The following RPS27L variants were observed in gnomAD, a reference collection of about 807,000 sequenced individuals.
The protein encoded by RPS27L is ribosomal protein S27 like, also known as ribosomal protein eS27-like.
In RPS27L, 10 loss-of-function variants were observed where a neutral mutation model predicts 12.8. The ratio of observed to expected loss-of-function variants is 0.78; its 90% CI spans 0.48 to 1.33. The LOEUF (loss-of-function observed/expected upper bound fraction) is 1.33. Ranked by LOEUF, RPS27L falls within the 40% of genes most tolerant of loss-of-function variation. The pLI, the probability that RPS27L is intolerant of heterozygous loss-of-function variation, is 0.00. For missense variants in RPS27L, 81 were observed against 97.4 expected, an observed-to-expected ratio of 0.83 and a Z score of 0.71; for synonymous variants, 26 against 32.3, an observed-to-expected ratio of 0.81 and a Z score of 0.66.
rs2037278090 is a variant in RPS27L at position 63,148,380 on chromosome 15, A to AT, written c.*5651dup. Reference sequence around the variant, plus strand: ...AAATAAAGAAAAAACACAACTTCAAATTAATACAAAGACAAGATAAAGAAC... The same window carrying AT: ...AAATAAAGAAAAAACACAACTTCAAATTTAATACAAAGACAAGATAAAGAAC... On this transcript the variant is annotated 3_prime_UTR_variant, in exon 4 of 4. Coordinates refer to ENST00000330964, the MANE Select transcript of RPS27L (RefSeq NM_015920.4). 6.7e-6 allele frequency: 1 copy of AT among 150,058 alleles called. No homozygotes were observed. The highest frequency in any genetic ancestry group is 1.5e-5 in the Non-Finnish European group (1 of 67,894). The allele number at this position is 150,058 out of a possible 1,614,324, so 9.3% of individuals were successfully genotyped here.
At chr15:63,155,813 A>G in intron 2 of RPS27L, 82 bp from the exon 3 acceptor site, 2 of 797,010 alleles carry the variant, frequency 2.5e-6, no homozygotes, top group South Asian at 3.3e-5. Context: ...ATATGTAAAA[A>G]AATCAGTAAC....
At chr15:63,154,984 T>C (rs1480079070) in intron 3 of RPS27L, 1 of 152,074 alleles carries the variant, frequency 6.6e-6, no homozygotes, top group Non-Finnish European at 1.5e-5. Flanking sequence ...AAATTCTATA[T>C]GGTTTTAAAA....
chr15:63,149,268 A>C lies in RPS27L; in HGVS notation c.*4764T>G, dbSNP rs997822330. ...TTTTCTTTGTAAAATGCAATAATGT[A>C]CTCTATTCCTTCCAAAGATTTAAGT... On this transcript the variant is annotated 3_prime_UTR_variant, in exon 4 of 4. Coordinates refer to ENST00000330964, the MANE Select transcript of RPS27L (RefSeq NM_015920.4). 1 of 152,034 alleles carries C rather than the reference A, an allele frequency of 6.6e-6. No homozygotes were observed. The highest frequency in any genetic ancestry group is 2.4e-5 in the African/African-American group (1 of 41,388). 9.4% of individuals were successfully genotyped at this position (152,034 alleles called of 1,614,324 possible).
At position 63,156,459 on chromosome 15, in the gene RPS27L, G is replaced by T. The variant is rs1359809011; in HGVS notation, c.69C>A (p.Arg23=). ...AGTAAGAATTTGGACTTTGTACTAG[G>T]CGTTTCTTTTTATGTTTTTTCTTTT... ...EEEKKKHKKK[R]LVQSPNSYFM... The change falls in exon 2 of 4, where the codon CGC becomes CGA. Residue 23 remains arginine (R), a synonymous_variant. Coordinates refer to ENST00000330964, the MANE Select transcript of RPS27L (RefSeq NM_015920.4). 1.2e-6 allele frequency: 2 copies of T among 1,606,220 alleles called. No individual in the cohort carries two copies. The highest frequency in any genetic ancestry group is 3.4e-5 in the Admixed American group (2 of 58,596).
At chr15:63,156,291 T>G in intron 2 of RPS27L, 122 bp downstream of exon 2, 1 of 586,736 alleles carries the variant, frequency 1.7e-6, no homozygotes, top group Non-Finnish European at 3.0e-6. Flanking sequence ...CCCTGACATT[T>G]CCAATTCTGT....
rs138519912 is a variant in RPS27L at position 63,148,852 on chromosome 15, CT to C, written c.*5179del. 4,021 of 119,078 alleles carry C rather than the reference CT, an allele frequency of 0.034. 55 individuals are homozygous for C. Among genetic ancestry groups the C allele is most frequent in the African/African-American group, 0.086 (2,517 of 29,414 alleles). The allele number at this position is 119,078 out of a possible 1,614,324, so 7.4% of individuals were successfully genotyped here. On this transcript the variant is annotated 3_prime_UTR_variant, in exon 4 of 4. Transcript: ENST00000330964. ...CAAACACCATGACCTGATGTCATTTCTTTTTTTTTTTTTTTTTTTTTTTTCT... is the reference window on the plus strand; with the variant it reads ...CAAACACCATGACCTGATGTCATTTCTTTTTTTTTTTTTTTTTTTTTTTCT...
chr15:63,154,140 G>C (rs2037317824), intron 3 of RPS27L, 80 bp from the exon 4 acceptor site: 1 of 1,112,578 alleles, frequency 9.0e-7, no homozygotes, highest in African/African-American at 1.6e-5. Flanking sequence ...GTACTTTTAA[G>C]TAAAATACTG....
rs1354332967 is a variant in RPS27L, at chr15:63,150,857, GTC to G, written c.*3173_*3174del. 1 of 152,226 alleles carries G rather than the reference GTC, an allele frequency of 6.6e-6. No individual in the cohort carries two copies. Among genetic ancestry groups the G allele is most frequent in the Admixed American group, 6.5e-5 (1 of 15,282 alleles). The allele number at this position is 152,226 out of a possible 1,614,324, so 9.4% of individuals were successfully genotyped here. A position where few individuals can be genotyped will look rare whatever the true frequency, so the allele number is the denominator to read the frequency against. ...GGGTTACACCGTGTTAGCCAGGGTG[GTC>G]TCGATCTCCTGACCTCGTGATCCAC... On this transcript the variant is annotated 3_prime_UTR_variant, in exon 4 of 4. Coordinates refer to ENST00000330964, the MANE Select transcript of RPS27L (RefSeq NM_015920.4).
chr15:63,157,298 C>G, intron 1 of RPS27L, 102 bp downstream of exon 1: 1 of 1,336,812 alleles, frequency 7.5e-7, no homozygotes, highest in East Asian at 2.3e-5. Context: ...CCTCGCCACT[C>G]TCGGACACTA....
chr15:63,154,914 A>G (rs1231929804), intron 3 of RPS27L: 1 of 151,514 alleles, frequency 6.6e-6, no homozygotes, highest in African/African-American at 2.4e-5. Flanking sequence ...GCAATGATAA[A>G]AAAAAAACTA....
intron 1 of RPS27L, chr15:63,157,124 T>C: frequency 1.9e-6 from 1 of 525,760 alleles, no homozygotes; most frequent in Non-Finnish European, 3.4e-6. Flanking sequence ...CTCAGGGGCA[T>C]CCTCAAAGAC....
chr15:63,157,304 C>A, intron 1 of RPS27L, 96 bp downstream of exon 1: 1 of 1,369,944 alleles, frequency 7.3e-7, no homozygotes, highest in Non-Finnish European at 1.0e-6. Context: ...CACTCTCGGA[C>A]ACTACAGGCC....
At chr15:63,155,211 C>G (rs909456060) in intron 3 of RPS27L, 1 of 152,312 alleles carries the variant, frequency 6.6e-6, no homozygotes, top group African/African-American at 2.4e-5. Flanking sequence ...TCACTTGAAC[C>G]GGGGAGGCAG....
intron 3 of RPS27L, chr15:63,154,612 C>T (rs934173926): frequency 6.6e-6 from 1 of 152,174 alleles, no homozygotes; most frequent in African/African-American, 2.4e-5. Flanking sequence ...ATTTAGATCT[C>T]ACCAGGTCAC....
Position 63,157,306 on chromosome 15 carries a change from C to CT in RPS27L, c.6+93dup, listed in dbSNP as rs371939153. ...TGAGCCGCCTCGCCACTCTCGGACA[C>CT]TACAGGCCCGAGAGGCAGCCGGACT... On this transcript the variant is annotated intron_variant, in intron 1 of 3. Coordinates refer to ENST00000330964, the MANE Select transcript of RPS27L (RefSeq NM_015920.4). 1.2e-4 allele frequency: 171 copies of CT among 1,398,470 alleles called. 2 individuals carry two copies. The African/African-American group carries it at 1.7e-3, about 14-fold the overall frequency. The allele number at this position is 1,398,470 out of a possible 1,614,324, so 86.6% of individuals were successfully genotyped here. A position where few individuals can be genotyped will look rare whatever the true frequency, so the allele number is the denominator to read the frequency against.
chr15:63,149,219 G>A lies in RPS27L; in HGVS notation c.*4813C>T, dbSNP rs149017485. 1 of 152,174 alleles carries A rather than the reference G, an allele frequency of 6.6e-6. No individual in the cohort carries two copies. Among genetic ancestry groups the A allele is most frequent in the African/African-American group, 2.4e-5 (1 of 41,512 alleles). The allele number at this position is 152,174 out of a possible 1,614,324, so 9.4% of individuals were successfully genotyped here. A position where few individuals can be genotyped will look rare whatever the true frequency, so the allele number is the denominator to read the frequency against. ...CTGTAAAATCCTAAAAGAATACAAG[G>A]TCATTATTCTATAAAAGTTATCCTT... On this transcript the variant is annotated 3_prime_UTR_variant, in exon 4 of 4. Transcript: ENST00000330964.
intron 1 of RPS27L, 42 bp downstream of exon 1, chr15:63,157,358 A>G: frequency 1.9e-6 from 3 of 1,612,890 alleles, no homozygotes; most frequent in Middle Eastern, 1.7e-4. Flanking sequence ...CTCTCGGTAA[A>G]GAAGCCCAAA....
At position 63,153,555 on chromosome 15, in the gene RPS27L, C is replaced by A; in HGVS notation, c.*477G>T. On this transcript the variant is annotated 3_prime_UTR_variant, in exon 4 of 4. Coordinates refer to ENST00000330964, the MANE Select transcript of RPS27L (RefSeq NM_015920.4). ...GAAAATAAAATATTTAGGGTTTCTA[C>A]TCTTGAAAATGAGACACAAATTAGC... 1 of 153,002 alleles carries A rather than the reference C, an allele frequency of 6.5e-6. No homozygotes were observed. Among genetic ancestry groups the A allele is most frequent in the Non-Finnish European group, 1.5e-5 (1 of 68,708 alleles). The allele number at this position is 153,002 out of a possible 1,614,324, so 9.5% of individuals were successfully genotyped here. A position where few individuals can be genotyped will look rare whatever the true frequency, so the allele number is the denominator to read the frequency against.
rs1378940298 is a variant in RPS27L at position 63,153,606 on chromosome 15, T to A, written c.*426A>T. The A allele has an allele frequency of 6.3e-6, 1 of 157,752 alleles. No individual in the cohort carries two copies. Among genetic ancestry groups the A allele is most frequent in the African/African-American group, 2.4e-5 (1 of 41,490 alleles). The allele number at this position is 157,752 out of a possible 1,614,324, so 9.8% of individuals were successfully genotyped here. On this transcript the variant is annotated 3_prime_UTR_variant, in exon 4 of 4. Coordinates refer to ENST00000330964, the MANE Select transcript of RPS27L (RefSeq NM_015920.4). Reference sequence around the variant, plus strand: ...CAGGCATGGTGGTGTGTGCCTATAATCCCAGCTACTTGGGAGGACAAGGCA... The same window carrying A: ...CAGGCATGGTGGTGTGTGCCTATAAACCCAGCTACTTGGGAGGACAAGGCA...
Sources: gnomAD v4.1 joint callset for allele counts on GRCh38, gnomAD v4.1.1 for gene constraint, MANE v1.5 for transcripts, NCBI Gene and HGNC (gene_info 2026-07-23, HGNC 2026-07-21) for gene names.